UNC5A: variants seen among roughly 807,000 people sequenced by gnomAD.
The protein encoded by UNC5A is unc-5 netrin receptor A.
Under a neutral mutation model 87.4 loss-of-function variants are expected in UNC5A, and 20 were observed. That is an observed-to-expected ratio of 0.23 (90% confidence interval 0.16 to 0.33). The LOEUF (loss-of-function observed/expected upper bound fraction) is 0.33, where lower values mean the gene tolerates loss of function less well. Among genes scored for constraint, UNC5A ranks in the 10% least tolerant of loss-of-function variants. The pLI is 1.00. For missense variants in UNC5A, 844 were observed against 1,133.4 expected (o/e 0.74, Z 3.67); for synonymous variants, 438 against 482.3 (o/e 0.91, Z 1.20).
chr5:176,874,610 TGGA>T lies in UNC5A; in HGVS notation c.1378+51_1378+53del. On this transcript the variant is annotated intron_variant, in intron 8 of 14. Transcript: ENST00000329542. The surrounding 1 kb of genome is among the most constrained non-coding windows in gnomAD (Gnocchi z 7.6). The stretch of plus-strand genomic sequence containing the variant: ...GGCTCTGAGAGCTCCACTTCCCTCC[TGGA>T]GGAGGACGGGACAGCCGGACGTTCC... The T allele has an allele frequency of 1.3e-6, 2 of 1,491,710 alleles. No homozygotes were observed. Among genetic ancestry groups the T allele is most frequent in the Non-Finnish European group, 1.8e-6 (2 of 1,118,658 alleles). 92.4% of individuals were successfully genotyped at this position (1,491,710 alleles called of 1,614,324 possible).
intron 1 of UNC5A, among the ~76,000 whole-genome samples, chr5:176,830,304 C>T (rs931269707): frequency 6.6e-6 from 1 of 152,208 alleles, no homozygotes; most frequent in South Asian, 2.1e-4. Context: ...GCGCTAAAGC[C>T]TGGGCTGGAG....
chr5:176,830,665 G>A (rs1330118859), intron 1 of UNC5A, among the ~76,000 whole-genome samples: 3 of 122,054 alleles, frequency 2.5e-5, no homozygotes, highest in Non-Finnish European at 5.0e-5. Context: ...TGTGTGTGCT[G>A]GTGTGTGTGG....
chr5:176,853,598 T>C (rs554524735), intron 1 of UNC5A, among the ~76,000 whole-genome samples: 5 of 152,268 alleles, frequency 3.3e-5, no homozygotes, highest in African/African-American at 1.2e-4. Flanking sequence ...GAAACCAGAG[T>C]GCCGTGCTTG....
intron 1 of UNC5A, among the ~76,000 whole-genome samples, 169 bp from the exon 2 acceptor site, chr5:176,862,455 C>T (rs1031769391): frequency 2.4e-4 from 37 of 152,184 alleles, no homozygotes; most frequent in South Asian, 6.2e-4. Context: ...CATGGAGGCC[C>T]GGGTGGGGGA....
At chr5:176,823,997 C>T (rs1756792099) in intron 1 of UNC5A, among the ~76,000 whole-genome samples, 1 of 152,356 alleles carries the variant, frequency 6.6e-6, no homozygotes, top group South Asian at 2.1e-4. Flanking sequence ...AGAACCCAGC[C>T]TCTCCCTGGA....
At chr5:176,819,158 C>G (rs1051617492) in intron 1 of UNC5A, among the ~76,000 whole-genome samples, 2 of 152,180 alleles carry the variant, frequency 1.3e-5, no homozygotes, top group African/African-American at 4.8e-5. Flanking sequence ...CCTCCCCAGC[C>G]CTCTCAGCTG....
At position 176,878,122 on chromosome 5, in the gene UNC5A, C is replaced by G; in HGVS notation, c.1864C>G (p.Leu622Val). The G allele has an allele frequency of 6.2e-7, 1 of 1,607,848 alleles. No individual in the cohort carries two copies. Among genetic ancestry groups the G allele is most frequent in the Non-Finnish European group, 8.5e-7 (1 of 1,179,588 alleles). The change falls in exon 11 of 15, where the codon CTC (leucine) becomes GTC (valine). Residue 622 changes from leucine (L) to valine (V), a missense_variant. By Grantham distance (32) the Leu-to-Val change is conservative (BLOSUM62 1). Around this residue, in one of 3 missense-constraint regions of UNC5A, gnomAD observed 353 missense variants for 387.5 expected, o/e 0.91. Coordinates refer to ENST00000329542, the MANE Select transcript of UNC5A (RefSeq NM_133369.3). ...CTGCCTGCATGACACCCACGATGCA[C>G]TCAAGGTATCTCCCGCCCCTCACCC... The part of the protein sequence containing the change: ...VYCLHDTHDA[L>V]KEVVQLEKQL...
rs1175061142 is a variant in UNC5A, at chr5:176,844,787, C to T, written c.71-17837C>T. ...GCAGGGCTATGGCCCAATCACTCAC[C>T]CCGAGACCCCTCTCCACCCTCCAGC... On this transcript the variant is annotated intron_variant, in intron 1 of 14. Transcript: ENST00000329542. The surrounding 1 kb of genome is among the most constrained non-coding windows in gnomAD (Gnocchi z 4.2). Among the ~76,000 whole-genome samples, 1 of 152,210 alleles carries T rather than the reference C, an allele frequency of 6.6e-6. No homozygotes were observed. Among genetic ancestry groups the T allele is most frequent in the East Asian group, 1.9e-4 (1 of 5,190 alleles).
chr5:176,822,748 G>A (rs1756757735), intron 1 of UNC5A, among the ~76,000 whole-genome samples: 1 of 152,240 alleles, frequency 6.6e-6, no homozygotes, highest in South Asian at 2.1e-4. Flanking sequence ...CAGAACAGGA[G>A]AGGGACTCAG....
In UNC5A at chr5:176,844,098, T is replaced by C. The variant is rs1482679313; in HGVS notation, c.71-18526T>C. ...GACGAGGAGGAGGGGCCCTGAGACA[T>C]GGAAACGAGTGGAGGGCTGGAGAGA... is the stretch of plus-strand genomic sequence containing the variant. On this transcript the variant is annotated intron_variant, in intron 1 of 14. Transcript: ENST00000329542. This position sits in a 1 kb window ranked among gnomAD's most constrained non-coding sequence, Gnocchi z 4.2. 6.6e-6 allele frequency among the ~76,000 whole-genome samples: 1 copy of C among 152,076 alleles called. No homozygotes were observed. Among genetic ancestry groups the C allele is most frequent in the African/African-American group, 2.4e-5 (1 of 41,406 alleles).
At position 176,841,905 on chromosome 5, in the gene UNC5A, C is replaced by A. The variant is rs1279160461; in HGVS notation, c.71-20719C>A. ...TTACTCCTGCAAGAATGGCCATAAT[C>A]AAAAAATCAAGGCCGGGTGCGGTGG... On this transcript the variant is annotated intron_variant, in intron 1 of 14. Coordinates refer to ENST00000329542, the MANE Select transcript of UNC5A (RefSeq NM_133369.3). This position sits in a 1 kb window ranked among gnomAD's most constrained non-coding sequence, Gnocchi z 4.1. 2.0e-5 allele frequency among the ~76,000 whole-genome samples: 3 copies of A among 152,190 alleles called. No individual in the cohort carries two copies. Among genetic ancestry groups the A allele is most frequent in the Admixed American group, 6.5e-5 (1 of 15,270 alleles).
intron 1 of UNC5A, among the ~76,000 whole-genome samples, chr5:176,814,963 C>T (rs765625825): frequency 5.9e-5 from 9 of 152,194 alleles, no homozygotes; most frequent in Non-Finnish European, 1.2e-4. Flanking sequence ...AAACGGCCTC[C>T]TGTCCAGGGT....
rs1413352218 is a variant in UNC5A at position 176,848,987 on chromosome 5, T to C, written c.71-13637T>C. Among the ~76,000 whole-genome samples the C allele has an allele frequency of 2.0e-5, 3 of 152,262 alleles. No individual in the cohort carries two copies. The highest frequency in any genetic ancestry group is 1.9e-4 in the East Asian group (1 of 5,174). ...TCTGTCCAGGCCCAGGGGCCTTCTT[T>C]TGGGGGCTCTGATGAGGAGGGTTCC... On this transcript the variant is annotated intron_variant, in intron 1 of 14. Transcript: ENST00000329542. This position sits in a 1 kb window ranked among gnomAD's most constrained non-coding sequence, Gnocchi z 5.8.
chr5:176,874,452 T>C lies in UNC5A; in HGVS notation c.1264T>C (p.Phe422Leu). The change falls in exon 8 of 15, where the codon TTC becomes CTC. Residue 422 changes from phenylalanine to leucine, a missense_variant. This residue lies in a region of UNC5A where 353 missense variants were observed against 387.5 expected (regional missense o/e 0.91). Coordinates refer to ENST00000329542, the MANE Select transcript of UNC5A (RefSeq NM_133369.3). This position sits in a 1 kb window ranked among gnomAD's most constrained non-coding sequence, Gnocchi z 7.6. ...HSSPTSEAEE[F>L]VSRLSTQNYF... ...CTCTCCCACCTCTGAGGCCGAGGAG[T>C]TCGTCTCCCGCCTCTCCACCCAGAA... 6.2e-7 allele frequency: 1 copy of C among 1,611,352 alleles called. No homozygotes were observed. The highest frequency in any genetic ancestry group is 8.5e-7 in the Non-Finnish European group (1 of 1,178,634).
rs765260872 is a variant in UNC5A at position 176,880,745 on chromosome 5, G to A, written c.*859G>A. 3.3e-5 allele frequency: 7 copies of A among 210,434 alleles called. No homozygotes were observed. The highest frequency in any genetic ancestry group is 2.2e-4 in the South Asian group (2 of 9,014). The allele number at this position is 210,434 out of a possible 1,614,324, so 13.0% of individuals were successfully genotyped here. A position where few individuals can be genotyped will look rare whatever the true frequency, so the allele number is the denominator to read the frequency against. ...CCCAGGGCTGGCTGGTGCCCCACGC[G>A]GGGCCTGTCATGTGAAGCTCGTGTC... is the stretch of plus-strand genomic sequence containing the variant. On this transcript the variant is annotated 3_prime_UTR_variant, in exon 15 of 15. Coordinates refer to ENST00000329542, the MANE Select transcript of UNC5A (RefSeq NM_133369.3).
intron 1 of UNC5A, among the ~76,000 whole-genome samples, chr5:176,856,025 C>T (rs986271393): frequency 3.2e-4 from 49 of 152,188 alleles, no homozygotes; most frequent in Non-Finnish European, 6.2e-4. Flanking sequence ...TGGCGGCAGC[C>T]GCCCTGGGGA....
Position 176,874,325 on chromosome 5 carries a change from C to T in UNC5A, c.1137C>T (p.Gly379=). 6.2e-7 allele frequency: 1 copy of T among 1,612,230 alleles called. No individual in the cohort carries two copies. The highest frequency in any genetic ancestry group is 1.3e-5 in the African/African-American group (1 of 75,036). The change falls in exon 8 of 15, where the codon GGC becomes GGT. Residue 379 remains glycine (G), a synonymous_variant. Transcript: ENST00000329542. This position sits in a 1 kb window ranked among gnomAD's most constrained non-coding sequence, Gnocchi z 7.6. ...DLSTTTTTYQ[G]SLCPRQDGPS... is the part of the protein sequence containing the mutation. ...GCACCACCACCACCACCTACCAGGG[C>T]AGTCTCTGTCCCCGGCAGGATGGGC... is the stretch of plus-strand genomic sequence containing the variant.
chr5:176,868,195 G>A lies in UNC5A; in HGVS notation c.358G>A (p.Glu120Lys). The change falls in exon 3 of 15, where the codon GAG becomes AAG. Residue 120 changes from glutamate to lysine, a missense_variant. Coordinates refer to ENST00000329542, the MANE Select transcript of UNC5A (RefSeq NM_133369.3). The part of the protein sequence containing the change: ...RQQVEKVFGL[E>K]EYWCQCVAWS... ...GCAGGTCGAGAAGGTGTTCGGGCTG[G>A]AGGAATACTGGTGCCAGTGCGTGGC... 2 of 1,613,734 alleles carry A rather than the reference G, an allele frequency of 1.2e-6. No homozygotes were observed. Among genetic ancestry groups the A allele is most frequent in the Non-Finnish European group, 1.7e-6 (2 of 1,179,954 alleles).
At chr5:176,826,733 C>T (rs185908368) in intron 1 of UNC5A, among the ~76,000 whole-genome samples, 69 of 149,550 alleles carry the variant, frequency 4.6e-4, no homozygotes, top group Non-Finnish European at 8.3e-4. Flanking sequence ...CTCCATCTCC[C>T]GGGTTCACGC....
Sources: allele counts gnomAD v4.1 joint callset (sites outside exome capture counted in the v4.1 genomes callset), GRCh38; gene constraint gnomAD v4.1.1; regional missense constraint gnomAD v4.1.1; non-coding constraint Gnocchi (gnomAD v3.1); transcripts MANE v1.5; gene names NCBI Gene and HGNC (gene_info 2026-07-23, HGNC 2026-07-21).